Variants in APC2 observed in about 807,000 individuals in gnomAD.
APC2 encodes the protein adenomatous polyposis coli protein 2.
APC2 carries 41 observed loss-of-function variants against 72.5 expected under a neutral mutation model. That is an observed-to-expected ratio of 0.57 (90% confidence interval 0.44 to 0.73). The LOEUF is 0.73. Ranked by LOEUF, APC2 falls within the 30% of genes least tolerant of loss-of-function variation. The pLI, the probability that APC2 is intolerant of heterozygous loss-of-function variation, is 0.00. For synonymous variants in APC2, 1,898 were observed against 1,612.0 expected, an observed-to-expected ratio of 1.18 and a Z score of -4.25; for missense variants, 3,729 against 3,403.4, an observed-to-expected ratio of 1.10 and a Z score of -2.38.
At chr19:1,458,208 G>T in intron 10 of APC2, 148 bp downstream of exon 10, 2 of 718,210 alleles carry the variant, frequency 2.8e-6, no homozygotes. Context: ...GAGTCACATA[G>T]CACCTCTCAT....
chr19:1,469,151 G>A lies in APC2; in HGVS notation c.5850G>A (p.Glu1950=). 7.8e-7 allele frequency: 1 copy of A among 1,287,672 alleles called. No homozygotes were observed. Among genetic ancestry groups the A allele is most frequent in the Non-Finnish European group, 9.8e-7 (1 of 1,017,110 alleles). The allele number at this position is 1,287,672 out of a possible 1,614,324, so 79.8% of individuals were successfully genotyped here. A position where few individuals can be genotyped will look rare whatever the true frequency, so the allele number is the denominator to read the frequency against. Residue 1950 remains glutamate, a synonymous_variant, in exon 15 of 15, where the codon GAG becomes GAA. Coordinates refer to ENST00000590469, the MANE Select transcript of APC2 (RefSeq NM_005883.3). ...GPPPLARAVP[E]PGPRGRAGTE... ...CACCGCTGGCTCGGGCAGTCCCGGA[G>A]CCGGGCCCCAGGGGCCGGGCGGGGA...
In APC2 at chr19:1,467,991, A is replaced by G. The variant is rs775194743; in HGVS notation, c.4690A>G (p.Thr1564Ala). The change falls in exon 15 of 15, where the codon ACC (threonine) becomes GCC (alanine). Residue 1564 changes from threonine to alanine, a missense_variant. Coordinates refer to ENST00000590469, the MANE Select transcript of APC2 (RefSeq NM_005883.3). ...AAPAAPPPAR[T>A]QPSLIADETP... ...ACCAGCTGCCCCGCCGCCCGCCCGG[A>G]CCCAGCCCAGCCTCATTGCTGACGA... 3.2e-6 allele frequency: 5 copies of G among 1,581,146 alleles called. No homozygotes were observed. The highest frequency in any genetic ancestry group is 1.4e-5 in the African/African-American group (1 of 71,924).
At position 1,461,107 on chromosome 19, in the gene APC2, C is replaced by T. The variant is rs767086567; in HGVS notation, c.1592C>T (p.Ala531Val). ...DINSKKVLRE[A>V]GSVTALVQCV... ...AACAGCAAGAAGGTGCTGAGGGAGG[C>T]GGGCAGCGTGACTGCCCTGGTGCAG... The change falls in exon 13 of 15, where the codon GCG becomes GTG. Residue 531 changes from alanine (A) to valine (V), a missense_variant. Physicochemically the swap from Ala to Val is moderately conservative, Grantham distance 64. Transcript: ENST00000590469. The T allele has an allele frequency of 2.3e-5, 37 of 1,613,106 alleles. No homozygotes were observed. Among genetic ancestry groups the T allele is most frequent in the South Asian group, 3.3e-5 (3 of 91,088 alleles).
intron 14 of APC2, among the ~76,000 whole-genome samples, chr19:1,464,191 C>T (rs1384851066): frequency 6.6e-6 from 1 of 151,994 alleles, no homozygotes; most frequent in Non-Finnish European, 1.5e-5. Context: ...TGCCTGTAAT[C>T]CCACCTACTT....
At position 1,469,253 on chromosome 19, in the gene APC2, G is replaced by A. The variant is rs1323379516; in HGVS notation, c.5952G>A (p.Glu1984=). The A allele has an allele frequency of 1.4e-6, 2 of 1,427,686 alleles. No homozygotes were observed. The highest frequency in any genetic ancestry group is 1.8e-6 in the Non-Finnish European group (2 of 1,088,978). 88.4% of individuals were successfully genotyped at this position (1,427,686 alleles called of 1,614,324 possible). A position where few individuals can be genotyped will look rare whatever the true frequency, so the allele number is the denominator to read the frequency against. ...CCTCAGCCCTCTCCAGCGGCAGCGAGTCCTCCGACCGCTCGGGCTTCCGGC... is the reference window on the plus strand; with the variant it reads ...CCTCAGCCCTCTCCAGCGGCAGCGAATCCTCCGACCGCTCGGGCTTCCGGC... ...RVASALSSGS[E]SSDRSGFRRQ... is the part of the protein sequence containing the mutation. Residue 1984 remains glutamate, a synonymous_variant, in exon 15 of 15, where the codon GAG becomes GAA. Coordinates refer to ENST00000590469, the MANE Select transcript of APC2 (RefSeq NM_005883.3).
chr19:1,467,227 G>A lies in APC2; in HGVS notation c.3926G>A (p.Gly1309Glu). The change falls in exon 15 of 15, where the codon GGG becomes GAG. Residue 1309 changes from glycine to glutamate, a missense_variant. Transcript: ENST00000590469. ...TGCCCCGAGCGCGGCGGGGGCGCCGGGGGCGCCGGCCTCCACTTTGCAGGG... is the reference window on the plus strand; with the variant it reads ...TGCCCCGAGCGCGGCGGGGGCGCCGAGGGCGCCGGCCTCCACTTTGCAGGG... ...SACPERGGGA[G>E]GAGLHFAGHR... The A allele has an allele frequency of 7.3e-7, 1 of 1,373,194 alleles. No individual in the cohort carries two copies. Among genetic ancestry groups the A allele is most frequent in the South Asian group, 1.8e-5 (1 of 54,392 alleles). 85.1% of individuals were successfully genotyped at this position (1,373,194 alleles called of 1,614,324 possible). A position where few individuals can be genotyped will look rare whatever the true frequency, so the allele number is the denominator to read the frequency against.
chr19:1,467,482 A>T lies in APC2; in HGVS notation c.4181A>T (p.Glu1394Val). 1 of 1,453,108 alleles carries T rather than the reference A, an allele frequency of 6.9e-7. No individual in the cohort carries two copies. The highest frequency in any genetic ancestry group is 9.1e-7 in the Non-Finnish European group (1 of 1,104,036). The allele number at this position is 1,453,108 out of a possible 1,614,324, so 90.0% of individuals were successfully genotyped here. ...GACGACTCCTGCACTGACTCCGCGG[A>T]GGGCACGCCGGTCAACTTCTCTAGC... Reference protein sequence around the residue: ...QEDDSCTDSAEGTPVNFSSAA... With the variant: ...QEDDSCTDSAVGTPVNFSSAA... Residue 1394 changes from glutamate to valine, a missense_variant, in exon 15 of 15, where the codon GAG becomes GTG. Transcript: ENST00000590469.
Position 1,453,342 on chromosome 19 carries a change from G to A in APC2, c.232+5G>A. 6.2e-7 allele frequency: 1 copy of A among 1,608,484 alleles called. No individual in the cohort carries two copies. Among genetic ancestry groups the A allele is most frequent in the Non-Finnish European group, 8.5e-7 (1 of 1,177,936 alleles). On this transcript the variant is annotated splice_donor_5th_base_variant and intron_variant, in intron 3 of 14. Coordinates refer to ENST00000590469, the MANE Select transcript of APC2 (RefSeq NM_005883.3). ...AGGTGCTGGAGCAGCTGAAGGGTGAGCGGTGGGGCCACCCGCAGAGGGAGT... is the reference window on the plus strand; with the variant it reads ...AGGTGCTGGAGCAGCTGAAGGGTGAACGGTGGGGCCACCCGCAGAGGGAGT...
chr19:1,464,924 C>T (rs1391592586), intron 14 of APC2, among the ~76,000 whole-genome samples: 1 of 148,820 alleles, frequency 6.7e-6, no homozygotes, highest in Non-Finnish European at 1.5e-5. Flanking sequence ...TGATCCACTG[C>T]ACCCGGCCTA....
chr19:1,468,958 T>C lies in APC2; in HGVS notation c.5657T>C (p.Leu1886Pro). Residue 1886 changes from leucine (L) to proline (P), a missense_variant, in exon 15 of 15, where the codon CTG becomes CCG. Coordinates refer to ENST00000590469, the MANE Select transcript of APC2 (RefSeq NM_005883.3). Reference sequence around the variant, plus strand: ...CAGACCTCGCCCGCCTCCCAGCCCCTGCCCAGAAAGCGCCCCCCGGTCACC... The same window carrying C: ...CAGACCTCGCCCGCCTCCCAGCCCCCGCCCAGAAAGCGCCCCCCGGTCACC... Reference protein sequence around the residue: ...SSQTSPASQPLPRKRPPVTQA... With the variant: ...SSQTSPASQPPPRKRPPVTQA... 1 of 1,548,050 alleles carries C rather than the reference T, an allele frequency of 6.5e-7. No individual in the cohort carries two copies. The highest frequency in any genetic ancestry group is 1.2e-5 in the South Asian group (1 of 83,984).
chr19:1,463,722 C>T (rs1568176135), intron 14 of APC2, among the ~76,000 whole-genome samples: 1 of 151,968 alleles, frequency 6.6e-6, no homozygotes, highest in Non-Finnish European at 1.5e-5. Flanking sequence ...TGCACTCCAG[C>T]CTGGGTGATG....
At chr19:1,453,721 C>A in intron 4 of APC2, 110 bp downstream of exon 4, 1 of 1,370,924 alleles carries the variant, frequency 7.3e-7, no homozygotes, top group Non-Finnish European at 9.8e-7. Context: ...ACACCTCACA[C>A]GCCCCACCCA....
Position 1,468,191 on chromosome 19 carries a change from G to T in APC2, c.4890G>T (p.Gln1630His), listed in dbSNP as rs1465444664. ...PSPRAAEELL[Q>H]RCISSALPRR... ...CGCGGGCCGCGGAGGAGCTTCTGCA[G>T]CGGTGCATCAGCTCGGCCCTGCCCA... is the stretch of plus-strand genomic sequence containing the variant. The change falls in exon 15 of 15, where the codon CAG (glutamine) becomes CAT (histidine). Residue 1630 changes from glutamine (Q) to histidine (H), a missense_variant. Gln to His is a conservative substitution (Grantham distance 24). Transcript: ENST00000590469. 1.4e-6 allele frequency: 2 copies of T among 1,462,844 alleles called. No individual in the cohort carries two copies. Among genetic ancestry groups the T allele is most frequent in the Non-Finnish European group, 1.8e-6 (2 of 1,116,588 alleles). 90.6% of individuals were successfully genotyped at this position (1,462,844 alleles called of 1,614,324 possible). A position where few individuals can be genotyped will look rare whatever the true frequency, so the allele number is the denominator to read the frequency against.
At position 1,456,918 on chromosome 19, in the gene APC2, G is replaced by A. The variant is rs369493003; in HGVS notation, c.882G>A (p.Thr294=). ...GCGACCAGGAGGATACAGCGCGCACGCTGCTGGCCATGTCCAGCTCGCCCG... is the reference window on the plus strand; with the variant it reads ...GCGACCAGGAGGATACAGCGCGCACACTGCTGGCCATGTCCAGCTCGCCCG... ...ATRDQEDTAR[T]LLAMSSSPES... is the part of the protein sequence containing the mutation. Residue 294 remains threonine (T), a synonymous_variant, in exon 9 of 15, where the codon ACG becomes ACA. Coordinates refer to ENST00000590469, the MANE Select transcript of APC2 (RefSeq NM_005883.3). The A allele has an allele frequency of 4.0e-5, 63 of 1,574,288 alleles. No individual in the cohort carries two copies. In the African/African-American group the frequency reaches 5.9e-4, roughly 15 times the overall value.
At chr19:1,456,713 C>T (rs560954346) in intron 8 of APC2, 140 bp from the exon 9 acceptor site, 35 of 1,147,588 alleles carry the variant, frequency 3.0e-5, no homozygotes, top group Non-Finnish European at 4.2e-5. Flanking sequence ...TGTGCAGCCT[C>T]CTAGCGTCCC....
At position 1,465,474 on chromosome 19, in the gene APC2, G is replaced by T; in HGVS notation, c.2173G>T (p.Ala725Ser). ...CAGCCTGTACGTGCGCAAGCAGCGG[G>T]CGCTGGAGGCCGAGCTGGACGCACG... ...VPSLYVRKQR[A>S]LEAELDARHL... is the part of the protein sequence containing the mutation. Residue 725 changes from alanine to serine, a missense_variant, in exon 15 of 15, where the codon GCG becomes TCG. Transcript: ENST00000590469. 2 of 1,529,464 alleles carry T rather than the reference G, an allele frequency of 1.3e-6. No individual in the cohort carries two copies. Among genetic ancestry groups the T allele is most frequent in the Non-Finnish European group, 1.7e-6 (2 of 1,142,884 alleles). The allele number at this position is 1,529,464 out of a possible 1,614,324, so 94.7% of individuals were successfully genotyped here. A position where few individuals can be genotyped will look rare whatever the true frequency, so the allele number is the denominator to read the frequency against.
At position 1,460,866 on chromosome 19, in the gene APC2, C is replaced by T. The variant is rs369416343; in HGVS notation, c.1521+9C>T. ...GTGAGGAGCTCCACCAGGTACAGGGCGGGGTGCTGGGAAAGCCTTCCAGGG... is the reference window on the plus strand; with the variant it reads ...GTGAGGAGCTCCACCAGGTACAGGGTGGGGTGCTGGGAAAGCCTTCCAGGG... On this transcript the variant is annotated intron_variant, in intron 12 of 14. Coordinates refer to ENST00000590469, the MANE Select transcript of APC2 (RefSeq NM_005883.3). 29 of 1,612,970 alleles carry T rather than the reference C, an allele frequency of 1.8e-5. 1 individual carries two copies. The highest frequency in any genetic ancestry group is 5.5e-5 in the South Asian group (5 of 91,074).
Position 1,472,603 on chromosome 19 carries a change from C to G in APC2, c.*2390C>G, listed in dbSNP as rs553288425. On this transcript the variant is annotated 3_prime_UTR_variant, in exon 15 of 15. Transcript: ENST00000590469. The stretch of plus-strand genomic sequence containing the variant: ...CTGCCAGCCCCGCCTCCCACCCCCA[C>G]CCCGAGTCCTGAGCTCACTTTCGCC... The G allele has an allele frequency of 2.0e-5, 3 of 151,574 alleles. No homozygotes were observed. Among genetic ancestry groups the G allele is most frequent in the Non-Finnish European group, 4.4e-5 (3 of 67,950 alleles). The allele number at this position is 151,574 out of a possible 1,614,324, so 9.4% of individuals were successfully genotyped here. A position where few individuals can be genotyped will look rare whatever the true frequency, so the allele number is the denominator to read the frequency against.
Position 1,452,227 on chromosome 19 carries a change from CCAGCGCGCTG to C in APC2, c.-18-756_-18-747del, listed in dbSNP as rs1289622585. ...GAAGACGGCCAGAGGCACAAAGAAG[CCAGCGCGCTG>C]GCAGAGTCAAGGGATGGGGCAGGGG... On this transcript the variant is annotated intron_variant, in intron 1 of 14. Transcript: ENST00000590469. The surrounding 1 kb of genome is among the most constrained non-coding windows in gnomAD (Gnocchi z 5.1). 1 of 153,048 alleles carries C rather than the reference CCAGCGCGCTG, an allele frequency of 6.5e-6. No individual in the cohort carries two copies. Among genetic ancestry groups the C allele is most frequent in the Non-Finnish European group, 1.5e-5 (1 of 68,692 alleles). The allele number at this position is 153,048 out of a possible 1,614,324, so 9.5% of individuals were successfully genotyped here.
Sources: allele counts gnomAD v4.1 joint callset (sites outside exome capture counted in the v4.1 genomes callset), GRCh38; gene constraint gnomAD v4.1.1; non-coding constraint Gnocchi (gnomAD v3.1); transcripts MANE v1.5; gene names NCBI Gene and HGNC (gene_info 2026-07-23, HGNC 2026-07-21).